ATRNL1: variants seen among roughly 807,000 people sequenced by gnomAD.
ATRNL1 encodes the protein attractin-like protein 1.
ATRNL1 carries 95 observed loss-of-function variants against 182.7 expected under a neutral mutation model. The observed-to-expected ratio is 0.52, with a 90% confidence interval of 0.44 to 0.62. The LOEUF (loss-of-function observed/expected upper bound fraction) is 0.62. Among genes scored for constraint, ATRNL1 ranks in the 20% least tolerant of loss-of-function variants. The pLI is 0.00. For missense variants in ATRNL1, 1,471 were observed against 1,679.5 expected (o/e 0.88, Z 2.17); for synonymous variants, 576 against 568.3 (o/e 1.01, Z -0.19).
chr10:115,900,501 A>C (rs1354746699), intron 28 of ATRNL1, among the ~76,000 whole-genome samples: 1 of 152,240 alleles, frequency 6.6e-6, no homozygotes, highest in Non-Finnish European at 1.5e-5. Context: ...AAAAGGCAAA[A>C]AATAATATGT....
chr10:115,347,459 A>C (rs933194091), intron 19 of ATRNL1, among the ~76,000 whole-genome samples: 5 of 152,144 alleles, frequency 3.3e-5, no homozygotes, highest in Non-Finnish European at 7.4e-5. Context: ...TCAATTTATA[A>C]AGCATGGAAA....
At chr10:115,226,732 T>C (rs1263486015) in intron 9 of ATRNL1, among the ~76,000 whole-genome samples, 1 of 152,018 alleles carries the variant, frequency 6.6e-6, no homozygotes, top group African/African-American at 2.4e-5. Context: ...AAAATGGACA[T>C]GTAAACCAAT....
At chr10:115,109,114 A>G (rs1179625496) in intron 1 of ATRNL1, among the ~76,000 whole-genome samples, 1 of 152,114 alleles carries the variant, frequency 6.6e-6, no homozygotes, top group African/African-American at 2.4e-5. Flanking sequence ...CCTCATCAGA[A>G]TCATCCTTAA....
chr10:115,918,393 G>A (rs1952943306), intron 28 of ATRNL1, among the ~76,000 whole-genome samples: 2 of 152,208 alleles, frequency 1.3e-5, no homozygotes, highest in South Asian at 4.1e-4. Context: ...ATGAGCCACC[G>A]CGTCCGGCCT....
At chr10:115,735,533 C>A (rs1593144637) in intron 27 of ATRNL1, among the ~76,000 whole-genome samples, 2 of 151,868 alleles carry the variant, frequency 1.3e-5, no homozygotes, top group African/African-American at 4.8e-5. Flanking sequence ...AAATTAGGCA[C>A]AATAAGAGAT....
chr10:115,836,448 G>C (rs1215113967), intron 27 of ATRNL1, among the ~76,000 whole-genome samples: 1 of 152,192 alleles, frequency 6.6e-6, no homozygotes, highest in Admixed American at 6.5e-5. Context: ...AAAACAGTCT[G>C]GGGGCTAGAA....
intron 26 of ATRNL1, among the ~76,000 whole-genome samples, chr10:115,588,013 G>A (rs1855669912): frequency 6.6e-6 from 1 of 152,084 alleles, no homozygotes; most frequent in African/African-American, 2.4e-5. Context: ...CATGATAAAT[G>A]CAAATGGTTC....
intron 17 of ATRNL1, among the ~76,000 whole-genome samples, chr10:115,309,038 A>T (rs1240126780): frequency 6.6e-6 from 1 of 152,038 alleles, no homozygotes; most frequent in Non-Finnish European, 1.5e-5. Flanking sequence ...ATGTTTCTGT[A>T]TAATTTGCCA....
intron 27 of ATRNL1, among the ~76,000 whole-genome samples, chr10:115,736,791 G>A (rs1947963446): frequency 6.6e-6 from 1 of 151,826 alleles, no homozygotes; most frequent in African/African-American, 2.4e-5. Flanking sequence ...TTTTTGAGAC[G>A]GCGTCTTGCT....
intron 9 of ATRNL1, among the ~76,000 whole-genome samples, chr10:115,222,596 A>G (rs1849511095): frequency 6.6e-6 from 1 of 152,058 alleles, no homozygotes; most frequent in Admixed American, 6.6e-5. Flanking sequence ...AAGGAAAAGC[A>G]TGAAGACAAT....
At chr10:115,752,728 T>C (rs1948482024) in intron 27 of ATRNL1, among the ~76,000 whole-genome samples, 1 of 152,084 alleles carries the variant, frequency 6.6e-6, no homozygotes, top group Admixed American at 6.6e-5. Flanking sequence ...AGACAGTGAG[T>C]ACTCCATAAA....
intron 27 of ATRNL1, among the ~76,000 whole-genome samples, chr10:115,756,684 G>A (rs1027303090): frequency 2.0e-5 from 3 of 152,110 alleles, no homozygotes; most frequent in Admixed American, 2.0e-4. Flanking sequence ...AGGTCTGCTT[G>A]GTCCAGAGCT....
chr10:115,908,825 G>A (rs1013702609), intron 28 of ATRNL1, among the ~76,000 whole-genome samples: 15 of 152,106 alleles, frequency 9.9e-5, no homozygotes, highest in African/African-American at 3.4e-4. Context: ...AGTTGCTGCT[G>A]CCTCTCTTCC....
rs1480951990 is a variant in ATRNL1, at chr10:115,586,755, G to A, written c.3795+37219G>A. Among the ~76,000 whole-genome samples, 2 of 119,500 alleles carry A rather than the reference G, an allele frequency of 1.7e-5. 1 individual carries two copies. The highest frequency in any genetic ancestry group is 3.7e-5 in the Non-Finnish European group (2 of 53,662). The allele number at this position is 119,500 out of a possible 152,430, so 78.4% of individuals were successfully genotyped here. On this transcript the variant is annotated intron_variant, in intron 26 of 28. Transcript: ENST00000355044. Reference sequence around the variant, plus strand: ...GTCTGAAGCCTTCTTCTCTCAGCTCGTCAAAGTCATTCTCCGTCCAGCTTT... The same window carrying A: ...GTCTGAAGCCTTCTTCTCTCAGCTCATCAAAGTCATTCTCCGTCCAGCTTT...
At chr10:115,395,195 A>G (rs922138684) in intron 20 of ATRNL1, among the ~76,000 whole-genome samples, 1 of 151,906 alleles carries the variant, frequency 6.6e-6, no homozygotes, top group Admixed American at 6.6e-5. Flanking sequence ...TTCATTTTTT[A>G]TGGCTGTGTA....
intron 28 of ATRNL1, among the ~76,000 whole-genome samples, chr10:115,913,345 C>T (rs1952743841): frequency 6.6e-6 from 1 of 152,110 alleles, no homozygotes; most frequent in Non-Finnish European, 1.5e-5. Flanking sequence ...CAAAAATCAC[C>T]CAGACCCCTG....
At chr10:115,588,072 G>A (rs1180049192) in intron 26 of ATRNL1, among the ~76,000 whole-genome samples, 2 of 152,118 alleles carry the variant, frequency 1.3e-5, no homozygotes, top group Non-Finnish European at 2.9e-5. Context: ...ATAAATGGAA[G>A]TTTTCCTTTC....
chr10:115,713,208 G>A (rs1432927447), intron 26 of ATRNL1, among the ~76,000 whole-genome samples: 4 of 152,058 alleles, frequency 2.6e-5, no homozygotes, highest in African/African-American at 7.2e-5. Context: ...CAAACTAAAC[G>A]ATTGTAAGTT....
At position 115,587,795 on chromosome 10, in the gene ATRNL1, C is replaced by A. The variant is rs912183407; in HGVS notation, c.3795+38259C>A. ...TCTTGGCTTCTCCTCCCAACAAGTT[C>A]TTTTGACACTAAACTTTTAAAGTAG... On this transcript the variant is annotated intron_variant, in intron 26 of 28. Transcript: ENST00000355044. 9.9e-5 allele frequency among the ~76,000 whole-genome samples: 15 copies of A among 152,236 alleles called. 1 individual carries two copies. The highest frequency in any genetic ancestry group is 8.5e-4 in the Admixed American group (13 of 15,290).
Sources: allele counts gnomAD v4.1 joint callset (sites outside exome capture counted in the v4.1 genomes callset), GRCh38; gene constraint gnomAD v4.1.1; transcripts MANE v1.5; gene names NCBI Gene and HGNC (gene_info 2026-07-23, HGNC 2026-07-21).